Variants in ITPR2 observed in about 807,000 individuals in gnomAD.
ITPR2 encodes the protein inositol 1,4,5-trisphosphate receptor type 2.
ITPR2 carries 207 observed loss-of-function variants against 317.1 expected under a neutral mutation model. The observed-to-expected ratio is 0.65, with a 90% CI of 0.58 to 0.73. ITPR2 has a LOEUF of 0.73. Ranked by LOEUF, ITPR2 falls within the 30% of genes least tolerant of loss-of-function variation. The pLI is 0.00. For missense variants in ITPR2, 2,613 were observed against 3,284.0 expected (o/e 0.80, Z 4.99); for synonymous variants, 1,156 against 1,149.1 (o/e 1.01, Z -0.12).
At chr12:26,779,814 T>A (rs1950044972) in intron 2 of ITPR2, among the ~76,000 whole-genome samples, 1 of 152,180 alleles carries the variant, frequency 6.6e-6, no homozygotes, top group Admixed American at 6.5e-5. Context: ...TATACACTGA[T>A]TCATGGGCTG....
intron 8 of ITPR2, among the ~76,000 whole-genome samples, chr12:26,714,486 T>C (rs55695114): frequency 0.077 from 11,706 of 152,202 alleles, 1,149 homozygotes; most frequent in African/African-American, 0.23. Context: ...TAAAGTATTT[T>C]CCTTTTATTT....
chr12:26,700,677 T>A (rs574073222), intron 9 of ITPR2, among the ~76,000 whole-genome samples: 1 of 152,254 alleles, frequency 6.6e-6, no homozygotes, highest in Admixed American at 6.5e-5. Context: ...ATCCAGGCCT[T>A]TAAACCGCAG....
intron 35 of ITPR2, among the ~76,000 whole-genome samples, chr12:26,557,312 C>T (rs1312290814): frequency 6.6e-6 from 1 of 152,216 alleles, no homozygotes; most frequent in Non-Finnish European, 1.5e-5. Flanking sequence ...ATTTCTGAGT[C>T]AGGCCACAAC....
intron 2 of ITPR2, among the ~76,000 whole-genome samples, chr12:26,738,925 C>A (rs1592085273): frequency 6.6e-6 from 1 of 152,202 alleles, no homozygotes; most frequent in East Asian, 1.9e-4. Context: ...AAAGCAAGCA[C>A]ATTTCTAACA....
chr12:26,734,833 G>A (rs1949089073), intron 2 of ITPR2, among the ~76,000 whole-genome samples: 1 of 151,926 alleles, frequency 6.6e-6, no homozygotes, highest in Non-Finnish European at 1.5e-5. Context: ...AAAAGATCAT[G>A]GAGTCTTATT....
chr12:26,654,265 A>T, intron 20 of ITPR2, 139 bp from the exon 21 acceptor site: 1 of 641,284 alleles, frequency 1.6e-6, no homozygotes, highest in Non-Finnish European at 2.5e-6. Flanking sequence ...AACACCTAGG[A>T]ATTAAAATAC....
chr12:26,614,568 G>T (rs1361088361), intron 26 of ITPR2, among the ~76,000 whole-genome samples: 1 of 152,172 alleles, frequency 6.6e-6, no homozygotes, highest in East Asian at 1.9e-4. Context: ...AAGCAACCAA[G>T]ATGTCCTTCA....
chr12:26,397,094 A>G (rs78012906), intron 54 of ITPR2, among the ~76,000 whole-genome samples: 1 of 135,042 alleles, frequency 7.4e-6, no homozygotes, highest in Non-Finnish European at 1.6e-5. Context: ...GCTCTAAAGC[A>G]AAAAAAAAAA....
intron 26 of ITPR2, among the ~76,000 whole-genome samples, chr12:26,611,562 T>C (rs1446291749): frequency 1.3e-5 from 2 of 151,452 alleles, no homozygotes; most frequent in Non-Finnish European, 2.9e-5. Flanking sequence ...GACCCATCTC[T>C]AAAAAAAAGT....
intron 52 of ITPR2, 102 bp from the exon 53 acceptor site, chr12:26,400,360 T>C (rs1940135078): frequency 5.9e-6 from 3 of 505,222 alleles, no homozygotes; most frequent in Admixed American, 4.2e-5. Flanking sequence ...TACATACATA[T>C]ACATAAGTAT....
intron 52 of ITPR2, 26 bp from the exon 53 acceptor site, chr12:26,400,284 A>G (rs752012951): frequency 7.4e-6 from 10 of 1,348,422 alleles, no homozygotes; most frequent in Non-Finnish European, 1.0e-5. Context: ...CAAATATATG[A>G]TATAAAATTA....
intron 21 of ITPR2, among the ~76,000 whole-genome samples, chr12:26,644,483 G>C (rs773011662): frequency 6.6e-6 from 1 of 152,108 alleles, no homozygotes; most frequent in South Asian, 2.1e-4. Context: ...CCCGATACTC[G>C]GTAACTTATA....
At chr12:26,560,011 G>A (rs1183131538) in intron 35 of ITPR2, among the ~76,000 whole-genome samples, 1 of 152,134 alleles carries the variant, frequency 6.6e-6, no homozygotes, top group African/African-American at 2.4e-5. Flanking sequence ...GCATGTCCCA[G>A]AAGAGCATAG....
rs535245219 is a variant in ITPR2 at position 26,491,266 on chromosome 12, G to A, written c.5370+2887C>T. ...TGGGAGGCTGAGGCAGGTGGATCAC[G>A]AGGTCAGGAGATCAAGACCATCCTG... On this transcript the variant is annotated intron_variant, in intron 39 of 56. Coordinates refer to ENST00000381340, the MANE Select transcript of ITPR2 (RefSeq NM_002223.4). Among the ~76,000 whole-genome samples the A allele has an allele frequency of 2.8e-4, 42 of 151,926 alleles. No homozygotes were observed. The South Asian group carries it at 8.1e-3, about 29-fold the overall frequency.
At chr12:26,566,984 AT>A (rs1023918920) in intron 34 of ITPR2, among the ~76,000 whole-genome samples, 13 of 152,182 alleles carry the variant, frequency 8.5e-5, no homozygotes, top group African/African-American at 3.1e-4. Flanking sequence ...ACATTCAAAA[AT>A]CAAACAGAAG....
chr12:26,571,735 A>T (rs1945166022), intron 34 of ITPR2, among the ~76,000 whole-genome samples: 1 of 152,186 alleles, frequency 6.6e-6, no homozygotes, highest in African/African-American at 2.4e-5. Context: ...CCATCTATAA[A>T]ATGGAGCTAA....
At chr12:26,768,139 G>A (rs1265777511) in intron 2 of ITPR2, among the ~76,000 whole-genome samples, 5 of 152,104 alleles carry the variant, frequency 3.3e-5, no homozygotes, top group Admixed American at 6.5e-5. Flanking sequence ...TAGATGACAG[G>A]TTGATGTGTG....
At chr12:26,746,850 A>G (rs1592092108) in intron 2 of ITPR2, among the ~76,000 whole-genome samples, 2 of 134,818 alleles carry the variant, frequency 1.5e-5, no homozygotes, top group South Asian at 2.6e-4. Flanking sequence ...GTGTGTGTGT[A>G]AGCATGTTAG....
chr12:26,397,985 T>C (rs1214968077), intron 54 of ITPR2, among the ~76,000 whole-genome samples: 1 of 150,126 alleles, frequency 6.7e-6, no homozygotes, highest in Non-Finnish European at 1.5e-5. Context: ...AGGGGGATGA[T>C]GAGGGCAATG....
Sources: gnomAD v4.1 joint callset for allele counts (sites outside exome capture counted in the v4.1 genomes callset) on GRCh38, gnomAD v4.1.1 for gene constraint, MANE v1.5 for transcripts, NCBI Gene and HGNC (gene_info 2026-07-23, HGNC 2026-07-21) for gene names.